The following MAD1L1 variants were observed in gnomAD, a reference collection of about 807,000 sequenced individuals.
The protein encoded by MAD1L1 is mitotic spindle assembly checkpoint protein MAD1.
In MAD1L1, 95 loss-of-function variants were observed where a neutral mutation model predicts 96.9. The observed-to-expected ratio is 0.98, with a 90% CI of 0.83 to 1.16. The LOEUF is 1.16. Ranked by LOEUF, MAD1L1 falls within the 50% of genes most tolerant of loss-of-function variation. The probability of loss-of-function intolerance (pLI) is 0.00; values close to 1 mark genes in which losing one functional copy is unlikely to be tolerated. For missense variants in MAD1L1, 1,007 were observed against 954.4 expected (o/e 1.06, Z -0.73); for synonymous variants, 473 against 396.6 (o/e 1.19, Z -2.29).
chr7:2,162,870 A>AT (rs1230584718), intron 10 of MAD1L1, among the ~76,000 whole-genome samples: 50 of 147,636 alleles, frequency 3.4e-4, no homozygotes, highest in East Asian at 9.7e-4. Flanking sequence ...TTGGAGTTTC[A>AT]TCTTTTTTTT....
chr7:2,153,251 C>T (rs1305295247), intron 10 of MAD1L1, among the ~76,000 whole-genome samples: 1 of 152,124 alleles, frequency 6.6e-6, no homozygotes, highest in African/African-American at 2.4e-5. Context: ...GAAGAGACAG[C>T]CTCTTGAATG....
chr7:1,981,353 G>A (rs1251117726), intron 14 of MAD1L1, among the ~76,000 whole-genome samples: 1 of 152,188 alleles, frequency 6.6e-6, no homozygotes, highest in African/African-American at 2.4e-5. Flanking sequence ...GAGCCAGAAC[G>A]GACTGCGGGC....
intron 11 of MAD1L1, among the ~76,000 whole-genome samples, chr7:2,111,062 C>T (rs949741453): frequency 1.3e-5 from 2 of 152,180 alleles, no homozygotes; most frequent in African/African-American, 4.8e-5. Context: ...AAGAGAGCTT[C>T]GGTCTCAAGT....
At chr7:2,157,295 C>T (rs974089685) in intron 10 of MAD1L1, among the ~76,000 whole-genome samples, 22 of 152,156 alleles carry the variant, frequency 1.4e-4, no homozygotes, top group African/African-American at 4.8e-4. Context: ...TGCAGGTCAC[C>T]GTGATCAGGA....
intron 10 of MAD1L1, among the ~76,000 whole-genome samples, chr7:2,182,668 C>T (rs1326766615): frequency 4.6e-5 from 7 of 152,136 alleles, no homozygotes; most frequent in South Asian, 4.1e-4. Flanking sequence ...ACAGGGTAGA[C>T]GCCCCTTGAG....
chr7:2,085,007 C>A (rs1035779789), intron 11 of MAD1L1, among the ~76,000 whole-genome samples: 1 of 152,178 alleles, frequency 6.6e-6, no homozygotes, highest in South Asian at 2.1e-4. Context: ...TCATCATGTC[C>A]TTTACAGACG....
Position 1,824,266 on chromosome 7 carries a change from C to T in MAD1L1, c.1999-8038G>A, listed in dbSNP as rs571244247. ...GGCCTGGTGGCAGAGCTGCCGACAT[C>T]GGGGGCTTTCGCACCCACCAGAACT... On this transcript the variant is annotated intron_variant, in intron 18 of 18. Coordinates refer to ENST00000265854, the MANE Select transcript of MAD1L1 (RefSeq NM_001013836.2). Among the ~76,000 whole-genome samples, 23 of 152,338 alleles carry T rather than the reference C, an allele frequency of 1.5e-4. No homozygotes were observed. The East Asian group carries it at 1.7e-3, about 11-fold the overall frequency.
intron 14 of MAD1L1, among the ~76,000 whole-genome samples, chr7:1,993,905 G>A (rs1781450120): frequency 1.3e-5 from 2 of 152,220 alleles, no homozygotes; most frequent in African/African-American, 4.8e-5. Flanking sequence ...TAACGCTGGA[G>A]CCCCAGAAAG....
chr7:1,947,063 G>C (rs978148150), intron 16 of MAD1L1, among the ~76,000 whole-genome samples: 12 of 152,210 alleles, frequency 7.9e-5, no homozygotes, highest in African/African-American at 2.9e-4. Context: ...CCATCTGTGA[G>C]GGTGAGTGTG....
chr7:2,036,562 C>G (rs1215386075), intron 12 of MAD1L1, among the ~76,000 whole-genome samples: 2 of 152,178 alleles, frequency 1.3e-5, no homozygotes, highest in Non-Finnish European at 2.9e-5. Context: ...TTAAATCCCA[C>G]GGAAGCCCAG....
In MAD1L1 at chr7:2,048,134, G is replaced by A. The variant is rs560865686; in HGVS notation, c.1218+21060C>T. Reference sequence around the variant, plus strand: ...CACACAGTAATGCTCATGTGTGCATGCATGCACACTGAGCACCGACACGGG... The same window carrying A: ...CACACAGTAATGCTCATGTGTGCATACATGCACACTGAGCACCGACACGGG... On this transcript the variant is annotated intron_variant, in intron 12 of 18. Coordinates refer to ENST00000265854, the MANE Select transcript of MAD1L1 (RefSeq NM_001013836.2). 2.6e-5 allele frequency among the ~76,000 whole-genome samples: 4 copies of A among 152,342 alleles called. No homozygotes were observed. The South Asian group carries it at 8.3e-4, about 32-fold the overall frequency.
In MAD1L1 at chr7:2,217,990, G is replaced by T; in HGVS notation, c.650C>A (p.Ala217Glu). Residue 217 changes from alanine to glutamate, a missense_variant, in exon 7 of 19, where the codon GCA becomes GAA. By Grantham distance (107) the Ala-to-Glu change is moderately radical. Transcript: ENST00000265854. ...AATCTGCTGCTCGTGGTCTGCTCTT[G>T]CTTCTTGGCTGGCCTGGAGTTCCTG... ...KIQELQASQE[A>E]RADHEQQIKD... 1 of 1,614,082 alleles carries T rather than the reference G, an allele frequency of 6.2e-7. No homozygotes were observed. Among genetic ancestry groups the T allele is most frequent in the South Asian group, 1.1e-5 (1 of 91,076 alleles).
chr7:1,846,874 C>T (rs568546722), intron 18 of MAD1L1: 354 of 252,882 alleles, frequency 1.4e-3, no homozygotes, highest in Non-Finnish European at 1.9e-3. Flanking sequence ...CATCAGCACC[C>T]GCAGCCTGTA....
chr7:2,115,281 A>G lies in MAD1L1; in HGVS notation c.1073+33871T>C, dbSNP rs1055235330. On this transcript the variant is annotated intron_variant, in intron 11 of 18. Transcript: ENST00000265854. The stretch of plus-strand genomic sequence containing the variant: ...TCCAGGGTCAGAGGAGGCGCTGGAC[A>G]GGGTCCCCGCGTGTTCCGGGGTCAG... 2.7e-5 allele frequency among the ~76,000 whole-genome samples: 4 copies of G among 150,862 alleles called. No individual in the cohort carries two copies. The East Asian group carries it at 7.8e-4, about 30-fold the overall frequency.
intron 8 of MAD1L1, 59 bp downstream of exon 8, chr7:2,216,098 C>T: frequency 6.2e-7 from 1 of 1,608,062 alleles, no homozygotes; most frequent in Non-Finnish European, 8.5e-7. Flanking sequence ...ACAGTGGGCT[C>T]CATGTGCACA....
intron 11 of MAD1L1, among the ~76,000 whole-genome samples, chr7:2,133,134 A>C (rs1378705607): frequency 1.5e-5 from 2 of 136,716 alleles, no homozygotes; most frequent in African/African-American, 5.7e-5. Flanking sequence ...ACCCATTTTC[A>C]ATGCTGAGCA....
intron 12 of MAD1L1, among the ~76,000 whole-genome samples, chr7:2,060,854 G>A (rs930968288): frequency 3.3e-5 from 5 of 152,244 alleles, no homozygotes; most frequent in Admixed American, 2.6e-4. Flanking sequence ...GGCAAAGACT[G>A]TTTAATCATG....
chr7:1,874,266 C>A (rs1028064516), intron 18 of MAD1L1, among the ~76,000 whole-genome samples: 2 of 152,170 alleles, frequency 1.3e-5, no homozygotes, highest in Admixed American at 6.5e-5. Flanking sequence ...GGAGGTGACA[C>A]ACACTGGCAG....
intron 11 of MAD1L1, among the ~76,000 whole-genome samples, chr7:2,090,381 A>G (rs1438921749): frequency 6.6e-6 from 1 of 152,124 alleles, no homozygotes; most frequent in Non-Finnish European, 1.5e-5. Flanking sequence ...AGGGGTTTTT[A>G]AAGTAAATTT....
Sources: allele counts gnomAD v4.1 joint callset (sites outside exome capture counted in the v4.1 genomes callset), GRCh38; gene constraint gnomAD v4.1.1; transcripts MANE v1.5; gene names NCBI Gene and HGNC (gene_info 2026-07-23, HGNC 2026-07-21).